Variants in UNC5B observed in about 807,000 individuals in gnomAD.
The protein encoded by UNC5B is unc-5 netrin receptor B.
In UNC5B, 56 loss-of-function variants were observed where a neutral mutation model predicts 103.7. The ratio of observed to expected loss-of-function variants is 0.54; its 90% CI spans 0.44 to 0.67. UNC5B has a LOEUF of 0.67. UNC5B is among the 30% of genes least tolerant of loss of function. UNC5B has a pLI of 0.00. For missense variants in UNC5B, 1,194 were observed against 1,284.5 expected, an observed-to-expected ratio of 0.93 and a Z score of 1.08; for synonymous variants, 577 against 542.0, an observed-to-expected ratio of 1.06 and a Z score of -0.90.
At chr10:71,267,955 G>A (rs1242271625) in intron 1 of UNC5B, among the ~76,000 whole-genome samples, 5 of 152,216 alleles carry the variant, frequency 3.3e-5, no homozygotes, top group Non-Finnish European at 5.9e-5. Flanking sequence ...TCTGAGGCAA[G>A]TTACTACTCC....
rs959522874 is a variant in UNC5B at position 71,290,825 on chromosome 10, G to A, written c.1100-90G>A. The A allele has an allele frequency of 2.1e-6, 3 of 1,461,958 alleles. No homozygotes were observed. The African/African-American group carries it at 4.3e-5, about 21-fold the overall frequency. The allele number at this position is 1,461,958 out of a possible 1,614,324, so 90.6% of individuals were successfully genotyped here. A position where few individuals can be genotyped will look rare whatever the true frequency, so the allele number is the denominator to read the frequency against. On this transcript the variant is annotated intron_variant, in intron 8 of 16. Transcript: ENST00000335350. ...CTCAGCACCGGGCCGGTTGGCCCTGGGCCCTGCCCTTTCCAGGGACCCAGG... is the reference window on the plus strand; with the variant it reads ...CTCAGCACCGGGCCGGTTGGCCCTGAGCCCTGCCCTTTCCAGGGACCCAGG...
intron 1 of UNC5B, among the ~76,000 whole-genome samples, chr10:71,246,565 G>T (rs1776834413): frequency 6.6e-6 from 1 of 152,158 alleles, no homozygotes; most frequent in African/African-American, 2.4e-5. Flanking sequence ...GTGAGTGACT[G>T]GGTTGAGGGA....
chr10:71,274,853 C>A (rs748599781), intron 1 of UNC5B, among the ~76,000 whole-genome samples: 5 of 152,162 alleles, frequency 3.3e-5, no homozygotes, highest in Non-Finnish European at 4.4e-5. Flanking sequence ...AGGAAAGTGA[C>A]CCTAATTTAA....
At chr10:71,219,354 G>A (rs552678211) in intron 1 of UNC5B, among the ~76,000 whole-genome samples, 2 of 152,144 alleles carry the variant, frequency 1.3e-5, no homozygotes, top group African/African-American at 4.8e-5. Context: ...CCTTCTGCTG[G>A]CTGAGGAGCA....
At position 71,293,864 on chromosome 10, in the gene UNC5B, C is replaced by T. The variant is rs768622108; in HGVS notation, c.2106C>T (p.Pro702=). The T allele has an allele frequency of 1.6e-5, 25 of 1,608,640 alleles. No individual in the cohort carries two copies. The Admixed American group carries it at 3.0e-4, about 19-fold the overall frequency. ...GGCTCCAGCTGGCCGTCTTCGCCCC[C>T]GCCCTCTGCACCTCCCTGGAGTACA... ...VKRLQLAVFA[P]ALCTSLEYSL... The change falls in exon 13 of 17, where the codon CCC becomes CCT. Residue 702 remains proline, a synonymous_variant. Coordinates refer to ENST00000335350, the MANE Select transcript of UNC5B (RefSeq NM_170744.5).
chr10:71,298,169 T>G lies in UNC5B; in HGVS notation c.2672+79T>G, dbSNP rs964226091. 3 of 1,485,916 alleles carry G rather than the reference T, an allele frequency of 2.0e-6. No individual in the cohort carries two copies. The African/African-American group carries it at 4.2e-5, about 21-fold the overall frequency. The allele number at this position is 1,485,916 out of a possible 1,614,324, so 92.0% of individuals were successfully genotyped here. A position where few individuals can be genotyped will look rare whatever the true frequency, so the allele number is the denominator to read the frequency against. Reference sequence around the variant, plus strand: ...ACAGGGGCAGGCAGGGCAGGCAGCCTGACAGCCACGACCATCTCCCAGACC... The same window carrying G: ...ACAGGGGCAGGCAGGGCAGGCAGCCGGACAGCCACGACCATCTCCCAGACC... On this transcript the variant is annotated intron_variant, in intron 16 of 16. Coordinates refer to ENST00000335350, the MANE Select transcript of UNC5B (RefSeq NM_170744.5).
intron 1 of UNC5B, among the ~76,000 whole-genome samples, chr10:71,257,044 G>A (rs961875218): frequency 3.3e-5 from 5 of 152,194 alleles, no homozygotes; most frequent in African/African-American, 4.8e-5. Flanking sequence ...CCCCAACAGC[G>A]GGGCCCAGAG....
chr10:71,285,559 G>T (rs1189837774), intron 4 of UNC5B, 130 bp downstream of exon 4: 3 of 808,484 alleles, frequency 3.7e-6, no homozygotes, highest in Non-Finnish European at 5.7e-6. Flanking sequence ...AGATGAGATC[G>T]AGGCTTAGCA....
chr10:71,279,841 G>A lies in UNC5B; in HGVS notation c.100G>A (p.Val34Met). The A allele has an allele frequency of 2.5e-6, 4 of 1,613,530 alleles. No individual in the cohort carries two copies. The highest frequency in any genetic ancestry group is 3.4e-6 in the Non-Finnish European group (4 of 1,179,810). ...TGCAGGCACTGATTCTGGCAGCGAG[G>A]TGCTCCCTGACTCCTTCCCGTCAGC... ...SQAGTDSGSE[V>M]LPDSFPSAPA... The change falls in exon 2 of 17, where the codon GTG becomes ATG. Residue 34 changes from valine (V) to methionine (M), a missense_variant. Coordinates refer to ENST00000335350, the MANE Select transcript of UNC5B (RefSeq NM_170744.5).
chr10:71,283,930 C>T (rs561940416), intron 2 of UNC5B, among the ~76,000 whole-genome samples: 4 of 152,304 alleles, frequency 2.6e-5, no homozygotes, highest in Admixed American at 6.5e-5. Flanking sequence ...ACGTGCTGAG[C>T]CCCCTTTCTG....
chr10:71,231,260 G>A (rs1229047756), intron 1 of UNC5B, among the ~76,000 whole-genome samples: 1 of 152,236 alleles, frequency 6.6e-6, no homozygotes, highest in Non-Finnish European at 1.5e-5. Context: ...TACAGTAGGG[G>A]TGAGGTGGGG....
intron 1 of UNC5B, among the ~76,000 whole-genome samples, chr10:71,223,223 C>T (rs1384132605): frequency 2.6e-5 from 4 of 152,166 alleles, no homozygotes; most frequent in Non-Finnish European, 5.9e-5. Context: ...TGATTTGGCT[C>T]ACTCGTGTGG....
chr10:71,296,634 C>A lies in UNC5B; in HGVS notation c.2382C>A (p.Phe794Leu). 6.2e-7 allele frequency: 1 copy of A among 1,614,062 alleles called. No homozygotes were observed. Among genetic ancestry groups the A allele is most frequent in the Non-Finnish European group, 8.5e-7 (1 of 1,180,050 alleles). The change falls in exon 15 of 17, where the codon TTC (phenylalanine) becomes TTA (leucine). Residue 794 changes from phenylalanine (F) to leucine (L), a missense_variant. Physicochemically the swap from Phe to Leu is conservative, Grantham distance 22. Transcript: ENST00000335350. Reference sequence around the variant, plus strand: ...GCCAGAAGGCCCTCCACTGCACTTTCACCCTGGAGAGGCACAGCTTGGCCT... The same window carrying A: ...GCCAGAAGGCCCTCCACTGCACTTTAACCCTGGAGAGGCACAGCTTGGCCT... The part of the protein sequence containing the change: ...SGSQKALHCT[F>L]TLERHSLAST...
chr10:71,240,103 C>T (rs980221932), intron 1 of UNC5B, among the ~76,000 whole-genome samples: 7 of 152,284 alleles, frequency 4.6e-5, no homozygotes, highest in African/African-American at 1.4e-4. Context: ...ACGGTCTCTC[C>T]ATTCTCCACC....
At position 71,213,728 on chromosome 10, in the gene UNC5B, A is replaced by AGTGTGTGTGTGTGT. The variant is rs58235566; in HGVS notation, c.79+685_79+698dup. Among the ~76,000 whole-genome samples, 4,750 of 131,334 alleles carry AGTGTGTGTGTGTGT rather than the reference A, an allele frequency of 0.036. 113 individuals are homozygous for AGTGTGTGTGTGTGT. The highest frequency in any genetic ancestry group is 0.051 in the East Asian group (226 of 4,466). The allele number at this position is 131,334 out of a possible 152,430, so 86.2% of individuals were successfully genotyped here. A position where few individuals can be genotyped will look rare whatever the true frequency, so the allele number is the denominator to read the frequency against. On this transcript the variant is annotated intron_variant, in intron 1 of 16. Coordinates refer to ENST00000335350, the MANE Select transcript of UNC5B (RefSeq NM_170744.5). The surrounding 1 kb of genome is among the most constrained non-coding windows in gnomAD (Gnocchi z 4.1). ...ATTATTAATTTTCTGAGTGTTGGAG[A>AGTGTGTGTGTGTGT]GTGTGTGTGTGTGTGTGTGTGTGTG...
intron 13 of UNC5B, 131 bp from the exon 14 acceptor site, chr10:71,295,680 C>T (rs1845388829): frequency 1.9e-6 from 2 of 1,067,170 alleles, no homozygotes; most frequent in Admixed American, 2.3e-5. Context: ...ACCATAAGCC[C>T]TCTGTGAGCT....
chr10:71,238,232 G>A (rs1000691662), intron 1 of UNC5B, among the ~76,000 whole-genome samples: 4 of 152,164 alleles, frequency 2.6e-5, no homozygotes, highest in African/African-American at 9.7e-5. Context: ...GTTGCTCGAA[G>A]ACCTCAGGGG....
intron 11 of UNC5B, 125 bp downstream of exon 11, chr10:71,292,679 A>G (rs1347248096): frequency 2.5e-6 from 2 of 788,818 alleles, no homozygotes; most frequent in African/African-American, 3.5e-5. Context: ...TATTAATCTT[A>G]CTGTGTCCAT....
intron 1 of UNC5B, among the ~76,000 whole-genome samples, chr10:71,234,379 A>G (rs1843736480): frequency 6.6e-6 from 1 of 152,232 alleles, no homozygotes; most frequent in East Asian, 1.9e-4. Context: ...CTTGGTCCCA[A>G]GGTTTATGGA....
Sources: allele counts gnomAD v4.1 joint callset (sites outside exome capture counted in the v4.1 genomes callset), GRCh38; gene constraint gnomAD v4.1.1; non-coding constraint Gnocchi (gnomAD v3.1); transcripts MANE v1.5; gene names NCBI Gene and HGNC (gene_info 2026-07-23, HGNC 2026-07-21).